Variants in LRMDA observed in about 807,000 individuals in gnomAD.
LRMDA encodes the protein leucine rich melanocyte differentiation associated.
A neutral mutation model predicts 29.8 loss-of-function variants in LRMDA; 18 were observed. The ratio of observed to expected loss-of-function variants is 0.60; its 90% CI spans 0.42 to 0.90. The LOEUF (loss-of-function observed/expected upper bound fraction) is 0.90, where lower values mean the gene tolerates loss of function less well. LRMDA is among the 40% of genes least tolerant of loss of function. LRMDA has a pLI of 0.00. For synonymous variants in LRMDA, 125 were observed against 109.4 expected (o/e 1.14, Z -0.89); for missense variants, 273 against 273.9 (o/e 1.00, Z 0.02).
At chr10:76,111,367 A>G (rs1321921686) in intron 5 of LRMDA, among the ~76,000 whole-genome samples, 1 of 152,254 alleles carries the variant, frequency 6.6e-6, no homozygotes, top group African/African-American at 2.4e-5. Flanking sequence ...TCCGTACTCA[A>G]TACCCATCTA....
intron 2 of LRMDA, among the ~76,000 whole-genome samples, chr10:75,687,976 G>C (rs1234187607): frequency 6.6e-6 from 1 of 152,118 alleles, no homozygotes; most frequent in South Asian, 2.1e-4. Flanking sequence ...CCACTGTTGA[G>C]ACCTACTGCT....
chr10:75,951,680 G>T (rs1406482922), intron 2 of LRMDA, among the ~76,000 whole-genome samples: 1 of 151,968 alleles, frequency 6.6e-6, no homozygotes, highest in African/African-American at 2.4e-5. Context: ...CCCCCAAATA[G>T]TTTTTTTTCC....
intron 6 of LRMDA, among the ~76,000 whole-genome samples, chr10:76,425,053 T>C (rs1842109692): frequency 6.6e-6 from 1 of 152,220 alleles, no homozygotes; most frequent in South Asian, 2.1e-4. Flanking sequence ...GTTGTTGTAT[T>C]TGAGATGCTG....
intron 6 of LRMDA, among the ~76,000 whole-genome samples, chr10:76,410,293 T>C (rs1326898727): frequency 7.0e-6 from 1 of 142,294 alleles, no homozygotes; most frequent in Non-Finnish European, 1.5e-5. Flanking sequence ...AAAATCACTT[T>C]CTTTCTTTTT....
chr10:76,538,661 C>T (rs1843319469), intron 6 of LRMDA, among the ~76,000 whole-genome samples: 1 of 151,584 alleles, frequency 6.6e-6, no homozygotes, highest in African/African-American at 2.4e-5. Context: ...AATACGTCTT[C>T]TGGATTGTTT....
chr10:76,511,320 A>C (rs930738550), intron 6 of LRMDA, among the ~76,000 whole-genome samples: 15 of 151,834 alleles, frequency 9.9e-5, no homozygotes, highest in African/African-American at 3.4e-4. Flanking sequence ...GCTCAAGTTT[A>C]CGTGGTTTGA....
intron 6 of LRMDA, among the ~76,000 whole-genome samples, chr10:76,328,795 G>T (rs564213730): frequency 2.0e-5 from 3 of 152,170 alleles, no homozygotes; most frequent in Non-Finnish European, 4.4e-5. Flanking sequence ...ATAAAATCAG[G>T]AGTGGAGAAA....
At chr10:75,854,406 C>T (rs1844786520) in intron 2 of LRMDA, among the ~76,000 whole-genome samples, 1 of 151,968 alleles carries the variant, frequency 6.6e-6, no homozygotes, top group South Asian at 2.1e-4. Context: ...TATTGGCCAC[C>T]CCCCATGCCT....
chr10:75,617,262 G>A (rs575802234), intron 2 of LRMDA, among the ~76,000 whole-genome samples: 1 of 152,272 alleles, frequency 6.6e-6, no homozygotes, highest in East Asian at 1.9e-4. Context: ...AGGCCCAAGT[G>A]GCAGCATAAG....
At chr10:75,738,382 C>T (rs1842791029) in intron 2 of LRMDA, among the ~76,000 whole-genome samples, 1 of 152,144 alleles carries the variant, frequency 6.6e-6, no homozygotes, top group Admixed American at 6.5e-5. Context: ...TCTCCTTTCC[C>T]TGCCTCACTA....
At chr10:75,992,060 A>G (rs1847379674) in intron 2 of LRMDA, among the ~76,000 whole-genome samples, 1 of 152,232 alleles carries the variant, frequency 6.6e-6, no homozygotes, top group South Asian at 2.1e-4. Context: ...GTCCTATACC[A>G]TGCCTTTGAT....
At chr10:75,690,025 T>G (rs1842125572) in intron 2 of LRMDA, among the ~76,000 whole-genome samples, 1 of 152,236 alleles carries the variant, frequency 6.6e-6, no homozygotes, top group East Asian at 1.9e-4. Flanking sequence ...CATGGATATT[T>G]ACATAACTGG....
intron 6 of LRMDA, chr10:76,433,717 C>T (rs1842215663): frequency 6.6e-6 from 1 of 152,222 alleles, no homozygotes. Context: ...TTCCTCTAGC[C>T]CCAGCCCTGA....
intron 2 of LRMDA, among the ~76,000 whole-genome samples, chr10:75,498,386 C>T (rs983456556): frequency 6.6e-5 from 10 of 152,174 alleles, no homozygotes; most frequent in East Asian, 3.9e-4. Flanking sequence ...GGGTGCTCCA[C>T]GGACTAGGCA....
At chr10:76,339,709 C>T (rs1841013955) in intron 6 of LRMDA, among the ~76,000 whole-genome samples, 1 of 151,648 alleles carries the variant, frequency 6.6e-6, no homozygotes, top group Admixed American at 6.6e-5. Flanking sequence ...AAAAAAACCC[C>T]ACAAAGCTAT....
At chr10:75,459,948 C>T (rs1401796938) in intron 2 of LRMDA, among the ~76,000 whole-genome samples, 3 of 152,338 alleles carry the variant, frequency 2.0e-5, no homozygotes, top group Admixed American at 1.3e-4. Context: ...CACCTCCTAA[C>T]ACTGTTGCAT....
chr10:75,782,665 C>A, intron 2 of LRMDA: 1 of 1,050,284 alleles, frequency 9.5e-7, no homozygotes, highest in South Asian at 3.1e-5. Flanking sequence ...TTCTAGTCCT[C>A]GCTGCCGGTG....
At chr10:76,267,167 A>G (rs1840016626) in intron 5 of LRMDA, among the ~76,000 whole-genome samples, 1 of 152,142 alleles carries the variant, frequency 6.6e-6, no homozygotes, top group Admixed American at 6.6e-5. Context: ...TTCCTTTCTC[A>G]GCAAGAATAT....
chr10:76,201,227 G>C (rs2132232822), intron 5 of LRMDA, among the ~76,000 whole-genome samples: 1 of 151,964 alleles, frequency 6.6e-6, no homozygotes, highest in South Asian at 2.1e-4. Context: ...CTCCCAAGTA[G>C]CTGGGATTAC....
Sources: gnomAD v4.1 joint callset for allele counts (sites outside exome capture counted in the v4.1 genomes callset) on GRCh38, gnomAD v4.1.1 for gene constraint, MANE v1.5 for transcripts, NCBI Gene and HGNC (gene_info 2026-07-23, HGNC 2026-07-21) for gene names.